Variants in ADGRL3 observed in about 807,000 individuals in gnomAD.
The protein encoded by ADGRL3 is calcium-independent alpha-latrotoxin receptor 3.
ADGRL3 carries 62 observed loss-of-function variants against 153.5 expected under a neutral mutation model. The ratio of observed to expected loss-of-function variants is 0.40; its 90% confidence interval spans 0.33 to 0.50. ADGRL3 has a LOEUF of 0.50. Among genes scored for constraint, ADGRL3 ranks in the 20% least tolerant of loss-of-function variants. ADGRL3 has a pLI of 0.47. For synonymous variants in ADGRL3, 710 were observed against 672.5 expected (o/e 1.06, Z -0.86); for missense variants, 1,641 against 1,859.4 (o/e 0.88, Z 2.16).
At chr4:61,521,298 CA>C (rs2098529637) in intron 4 of ADGRL3, among the ~76,000 whole-genome samples, 1 of 152,108 alleles carries the variant, frequency 6.6e-6, no homozygotes, top group Admixed American at 6.5e-5. Flanking sequence ...AACAGCAACA[CA>C]AGGGCCTAGT....
At chr4:61,457,518 A>G (rs1027080055) in intron 2 of ADGRL3, among the ~76,000 whole-genome samples, 1 of 151,960 alleles carries the variant, frequency 6.6e-6, no homozygotes, top group Non-Finnish European at 1.5e-5. Context: ...CTTGGTTTGA[A>G]ATCCTCTGTT....
chr4:61,815,750 A>G (rs1366899483), intron 9 of ADGRL3, among the ~76,000 whole-genome samples: 1 of 152,176 alleles, frequency 6.6e-6, no homozygotes, highest in African/African-American at 2.4e-5. Flanking sequence ...TGGATTGATG[A>G]CCTTATAAAA....
At chr4:61,332,622 C>A (rs1272647335) in intron 1 of ADGRL3, among the ~76,000 whole-genome samples, 2 of 151,976 alleles carry the variant, frequency 1.3e-5, no homozygotes, top group Non-Finnish European at 2.9e-5. Flanking sequence ...TTATCTTTTT[C>A]TCTGAAAAAC....
At chr4:62,018,610 GA>G (rs2099224028) in intron 21 of ADGRL3, among the ~76,000 whole-genome samples, 2 of 152,026 alleles carry the variant, frequency 1.3e-5, no homozygotes, top group African/African-American at 4.8e-5. Flanking sequence ...AGAGAGAGAA[GA>G]ACAATATAAC....
At chr4:61,653,516 C>T (rs186060205) in intron 5 of ADGRL3, among the ~76,000 whole-genome samples, 20 of 152,224 alleles carry the variant, frequency 1.3e-4, no homozygotes, top group Admixed American at 1.2e-3. Context: ...GGAAATTTCT[C>T]TTTTAATGGA....
chr4:61,332,217 C>G (rs2095586864), intron 1 of ADGRL3, among the ~76,000 whole-genome samples: 1 of 152,032 alleles, frequency 6.6e-6, no homozygotes, highest in African/African-American at 2.4e-5. Context: ...TATATCTTGA[C>G]TAAATTCTTA....
intron 5 of ADGRL3, among the ~76,000 whole-genome samples, chr4:61,607,070 T>A (rs1358898252): frequency 1.3e-5 from 2 of 152,148 alleles, no homozygotes; most frequent in Non-Finnish European, 2.9e-5. Flanking sequence ...ATTACTCAAA[T>A]CAGTCTCCCC....
chr4:61,446,439 A>G (rs1331515975), intron 2 of ADGRL3, among the ~76,000 whole-genome samples: 13 of 152,190 alleles, frequency 8.5e-5, no homozygotes, highest in African/African-American at 3.1e-4. Context: ...GAGCAATGTC[A>G]TATGTTTTAA....
chr4:61,493,155 T>G (rs557538225), intron 2 of ADGRL3, among the ~76,000 whole-genome samples: 17 of 152,282 alleles, frequency 1.1e-4, no homozygotes, highest in African/African-American at 3.8e-4. Flanking sequence ...TTAAAACATA[T>G]TGTATAATTA....
intron 8 of ADGRL3, among the ~76,000 whole-genome samples, chr4:61,758,910 A>G (rs1309189082): frequency 6.6e-6 from 1 of 152,178 alleles, no homozygotes; most frequent in Non-Finnish European, 1.5e-5. Flanking sequence ...GCTAGTCTGT[A>G]AAGTATTTTA....
intron 21 of ADGRL3, among the ~76,000 whole-genome samples, chr4:62,001,035 C>T (rs2099138661): frequency 6.6e-6 from 1 of 152,146 alleles, no homozygotes; most frequent in Admixed American, 6.5e-5. Flanking sequence ...CCTTCCGCTT[C>T]AGCCTCCTAA....
At chr4:61,886,334 T>C (rs1467292101) in intron 9 of ADGRL3, among the ~76,000 whole-genome samples, 1 of 152,182 alleles carries the variant, frequency 6.6e-6, no homozygotes, top group Non-Finnish European at 1.5e-5. Context: ...ATTGTTATGG[T>C]TTCAGTTTTC....
intron 2 of ADGRL3, among the ~76,000 whole-genome samples, chr4:61,489,912 T>C (rs1272039550): frequency 6.6e-6 from 1 of 152,116 alleles, no homozygotes; most frequent in African/African-American, 2.4e-5. Flanking sequence ...TTGATATATT[T>C]TGTGCCTTTA....
chr4:61,679,877 A>G (rs1355968644), intron 6 of ADGRL3, among the ~76,000 whole-genome samples: 1 of 152,028 alleles, frequency 6.6e-6, no homozygotes, highest in Non-Finnish European at 1.5e-5. Context: ...TTAACTCATA[A>G]TTTTCATCAG....
intron 5 of ADGRL3, among the ~76,000 whole-genome samples, chr4:61,651,958 A>T (rs1171808119): frequency 6.6e-6 from 1 of 152,080 alleles, no homozygotes; most frequent in Non-Finnish European, 1.5e-5. Flanking sequence ...ATGTTTAAAA[A>T]CAAAATTTGT....
intron 4 of ADGRL3, among the ~76,000 whole-genome samples, chr4:61,519,783 C>T (rs1158873481): frequency 1.3e-5 from 2 of 152,006 alleles, no homozygotes; most frequent in Non-Finnish European, 2.9e-5. Flanking sequence ...ACCTTTCCTC[C>T]CCTCCTCCAC....
intron 17 of ADGRL3, among the ~76,000 whole-genome samples, chr4:61,951,477 G>C (rs2098946993): frequency 6.6e-6 from 1 of 152,168 alleles, no homozygotes; most frequent in South Asian, 2.1e-4. Flanking sequence ...ACGATTGCTA[G>C]ATCTCTAAAC....
At chr4:61,246,017 A>G (rs895982) in intron 1 of ADGRL3, among the ~76,000 whole-genome samples, 81,093 of 151,876 alleles carry the variant, frequency 0.53, 22,096 homozygotes, top group East Asian at 0.64. Context: ...TACCACTTAT[A>G]TTAGCTTTCT....
chr4:61,714,229 A>G (rs1357689442), intron 6 of ADGRL3, among the ~76,000 whole-genome samples: 6 of 152,114 alleles, frequency 3.9e-5, no homozygotes, highest in Non-Finnish European at 7.4e-5. Context: ...ACGCACACAC[A>G]CACACAATTA....
Sources: allele counts gnomAD v4.1 joint callset (sites outside exome capture counted in the v4.1 genomes callset), GRCh38; gene constraint gnomAD v4.1.1; transcripts MANE v1.5; gene names NCBI Gene and HGNC (gene_info 2026-07-23, HGNC 2026-07-21).